The following ERG variants were observed in gnomAD, a reference collection of about 807,000 sequenced individuals.
The protein encoded by ERG is transcriptional regulator ERG.
A neutral mutation model predicts 55.3 loss-of-function variants in ERG; 9 were observed. That is an observed-to-expected ratio of 0.16 (90% CI 0.10 to 0.28). ERG has a LOEUF of 0.28. ERG is among the 10% of genes least tolerant of loss of function. The probability of loss-of-function intolerance (pLI) is 1.00; values close to 1 mark genes in which losing one functional copy is unlikely to be tolerated. For synonymous variants in ERG, 223 were observed against 237.3 expected (o/e 0.94, Z 0.55); for missense variants, 434 against 631.6 (o/e 0.69, Z 3.35).
At chr21:38,409,891 TAAATAAC>T (rs1245140450) in intron 3 of ERG, among the ~76,000 whole-genome samples, 1 of 152,246 alleles carries the variant, frequency 6.6e-6, no homozygotes, top group Non-Finnish European at 1.5e-5. Flanking sequence ...TTAAAAATCT[TAAATAAC>T]ACCAATCACA....
At chr21:38,610,916 A>G (rs182566733) in intron 1 of ERG, among the ~76,000 whole-genome samples, 7 of 152,370 alleles carry the variant, frequency 4.6e-5, no homozygotes, top group Non-Finnish European at 7.3e-5. Context: ...TGTTTCACAC[A>G]GAGGAGAAAA....
At chr21:38,400,742 G>A in intron 5 of ERG, 97 bp from the exon 6 acceptor site, 9 of 910,770 alleles carry the variant, frequency 9.9e-6, no homozygotes, top group Non-Finnish European at 1.4e-5. Flanking sequence ...TGACAACAAA[G>A]GGAAGAGACC....
In ERG at chr21:38,381,126, T is replaced by C. The variant is rs984313424; in HGVS notation, c.*2277A>G. The C allele has an allele frequency of 3.8e-6, 4 of 1,065,088 alleles. No homozygotes were observed. Among genetic ancestry groups the C allele is most frequent in the Non-Finnish European group, 4.5e-6 (4 of 879,182 alleles). 66.0% of individuals were successfully genotyped at this position (1,065,088 alleles called of 1,614,324 possible). On this transcript the variant is annotated 3_prime_UTR_variant, in exon 10 of 10. Transcript: ENST00000288319. ...GTCAGGAGCATTGGTAATCGTGTCC[T>C]GCCGACTTCAAAGCCCACTGCCAAA... is the stretch of plus-strand genomic sequence containing the variant.
In ERG at chr21:38,511,977, G is replaced by A. The variant is rs138599987; in HGVS notation, c.-41+63685C>T. Among the ~76,000 whole-genome samples the A allele has an allele frequency of 1.2e-4, 18 of 152,282 alleles. No homozygotes were observed. In the East Asian group the frequency reaches 3.1e-3, roughly 26 times the overall value. On this transcript the variant is annotated intron_variant, in intron 2 of 8. Coordinates refer to the ERG transcript ENST00000398897. ...GAGAACCACTGGAACAGAGCAATTCGGTTTTATCAGCCTTGTAATATAATT... is the reference window on the plus strand; with the variant it reads ...GAGAACCACTGGAACAGAGCAATTCAGTTTTATCAGCCTTGTAATATAATT...
At chr21:38,437,062 A>AT in intron 2 of ERG, among the ~76,000 whole-genome samples, 1 of 151,860 alleles carries the variant, frequency 6.6e-6, no homozygotes, top group Middle Eastern at 3.4e-3. Flanking sequence ...TAACTTCTGT[A>AT]TTTTTTGTAG....
chr21:38,622,706 ACAC>A (rs1455443080), intron 1 of ERG, among the ~76,000 whole-genome samples: 12 of 146,732 alleles, frequency 8.2e-5, no homozygotes, highest in East Asian at 4.0e-4. Context: ...CACACCACAC[ACAC>A]CACATGCTCA....
intron 2 of ERG, among the ~76,000 whole-genome samples, chr21:38,554,016 G>A (rs956002839): frequency 6.6e-5 from 10 of 151,130 alleles, no homozygotes; most frequent in Admixed American, 4.0e-4. Context: ...AAAAAAATGG[G>A]CCAAAAAAAC....
At chr21:38,455,876 C>A (rs2058984312) in intron 1 of ERG, among the ~76,000 whole-genome samples, 1 of 150,146 alleles carries the variant, frequency 6.7e-6, no homozygotes, top group Admixed American at 6.6e-5. Flanking sequence ...GGTCCCCCCC[C>A]TCCCCACAGA....
chr21:38,444,026 C>T (rs371617398), intron 2 of ERG, among the ~76,000 whole-genome samples: 1 of 152,332 alleles, frequency 6.6e-6, no homozygotes, highest in East Asian at 1.9e-4. Flanking sequence ...TGGCATCTCC[C>T]ATCTCCCCAT....
chr21:38,497,145 C>T (rs193022788), intron 1 of ERG, among the ~76,000 whole-genome samples: 6 of 152,286 alleles, frequency 3.9e-5, no homozygotes, highest in Non-Finnish European at 7.3e-5. Context: ...TTATTGAACA[C>T]ACCTTGAGAA....
At chr21:38,422,675 T>G (rs2146500091) in intron 3 of ERG, among the ~76,000 whole-genome samples, 1 of 152,348 alleles carries the variant, frequency 6.6e-6, no homozygotes, top group East Asian at 1.9e-4. Flanking sequence ...GCTAAATAAA[T>G]AAGTTCTTGT....
intron 1 of ERG, among the ~76,000 whole-genome samples, chr21:38,627,629 ATGCAAGGCT>A (rs1433787321): frequency 2.0e-5 from 3 of 152,244 alleles, no homozygotes; most frequent in Non-Finnish European, 4.4e-5. Flanking sequence ...CCGTAGAAGC[ATGCAAGGCT>A]TGATGGCTGT....
intron 2 of ERG, among the ~76,000 whole-genome samples, chr21:38,573,569 G>T (rs368964148): frequency 0.014 from 2,068 of 152,266 alleles, 23 homozygotes; most frequent in Non-Finnish European, 0.018. Context: ...GCACATCCAG[G>T]CATAGTACCT....
At chr21:38,402,792 T>C (rs1034277736) in intron 4 of ERG, among the ~76,000 whole-genome samples, 155 bp from the exon 5 acceptor site, 17 of 151,156 alleles carry the variant, frequency 1.1e-4, no homozygotes, top group African/African-American at 3.7e-4. Context: ...ATGGGAAGCT[T>C]ATAACTATTT....
Position 38,380,409 on chromosome 21 carries a change from C to G in ERG, c.*2994G>C. 8.5e-6 allele frequency: 9 copies of G among 1,062,702 alleles called. No individual in the cohort carries two copies. Among genetic ancestry groups the G allele is most frequent in the Non-Finnish European group, 9.1e-6 (8 of 877,732 alleles). The allele number at this position is 1,062,702 out of a possible 1,614,324, so 65.8% of individuals were successfully genotyped here. ...GGACATAAGGGCATCAAACTAGGAA[C>G]AAAAACACAGTCTTGACTGTGATTT... On this transcript the variant is annotated 3_prime_UTR_variant, in exon 10 of 10. Transcript: ENST00000288319.
At chr21:38,656,833 TAA>T (rs1455385122) in intron 1 of ERG, among the ~76,000 whole-genome samples, 1 of 152,210 alleles carries the variant, frequency 6.6e-6, no homozygotes, top group Non-Finnish European at 1.5e-5. Context: ...TCCTATTTTT[TAA>T]AAGTCATTCT....
chr21:38,443,007 C>T (rs2058856422), intron 2 of ERG, among the ~76,000 whole-genome samples: 1 of 152,154 alleles, frequency 6.6e-6, no homozygotes, highest in Admixed American at 6.5e-5. Flanking sequence ...CAGGGTTTCA[C>T]CATGTTAGCC....
intron 1 of ERG, among the ~76,000 whole-genome samples, chr21:38,602,243 G>A (rs2060168871): frequency 6.6e-6 from 1 of 152,120 alleles, no homozygotes; most frequent in South Asian, 2.1e-4. Flanking sequence ...AGCAGATCAA[G>A]ATCATCCTGG....
intron 2 of ERG, among the ~76,000 whole-genome samples, chr21:38,553,006 A>G (rs796264220): frequency 6.6e-5 from 10 of 152,304 alleles, no homozygotes; most frequent in Middle Eastern, 3.4e-3. Flanking sequence ...AGGATACAAA[A>G]TCAATGTACA....
Sources: allele counts gnomAD v4.1 joint callset (sites outside exome capture counted in the v4.1 genomes callset), GRCh38; gene constraint gnomAD v4.1.1; transcripts MANE v1.5; gene names NCBI Gene and HGNC (gene_info 2026-07-23, HGNC 2026-07-21).